The following DECR2 variants were observed in gnomAD, a reference collection of about 807,000 sequenced individuals.
DECR2 encodes the protein peroxisomal 2,4-dienoyl-CoA reductase [(3E)-enoyl-CoA-producing].
Under a neutral mutation model 29.2 loss-of-function variants are expected in DECR2, and 34 were observed. The ratio of observed to expected loss-of-function variants is 1.16; its 90% CI spans 0.89 to 1.55. The LOEUF (loss-of-function observed/expected upper bound fraction) is 1.55. Among genes scored for constraint, DECR2 ranks in the 40% most tolerant of loss-of-function variants. The pLI, the probability that DECR2 is intolerant of heterozygous loss-of-function variation, is 0.00. For missense variants in DECR2, 485 were observed against 425.3 expected, an observed-to-expected ratio of 1.14 and a Z score of -1.23; for synonymous variants, 224 against 182.7, an observed-to-expected ratio of 1.23 and a Z score of -1.82.
intron 1 of DECR2, among the ~76,000 whole-genome samples, chr16:403,567 G>T (rs1266422642): frequency 6.6e-6 from 1 of 152,182 alleles, no homozygotes; most frequent in Non-Finnish European, 1.5e-5. Flanking sequence ...TCTTGTTTAA[G>T]CCAGGGTATT....
chr16:407,352 C>T (rs563602780), intron 3 of DECR2, 73 bp from the exon 4 acceptor site: 3 of 1,524,794 alleles, frequency 2.0e-6, no homozygotes, highest in African/African-American at 1.4e-5. Flanking sequence ...GCATCGTCCT[C>T]TGCAGATTCC....
At chr16:404,911 G>A (rs998151347) in intron 1 of DECR2, 45 bp from the exon 2 acceptor site, 6 of 1,608,404 alleles carry the variant, frequency 3.7e-6, no homozygotes, top group Non-Finnish European at 5.1e-6. Context: ...CCACCGGCCC[G>A]GCCCAATAGG....
At chr16:411,111 T>C in intron 7 of DECR2, 35 bp downstream of exon 7, 2 of 1,467,522 alleles carry the variant, frequency 1.4e-6, no homozygotes, top group East Asian at 2.4e-5. Context: ...CTCCCACAGA[T>C]CCTCTCCTGG....
chr16:402,585 G>A (rs913803074), intron 1 of DECR2, among the ~76,000 whole-genome samples: 1 of 151,854 alleles, frequency 6.6e-6, no homozygotes, highest in South Asian at 2.1e-4. Context: ...CCGGGCAAAG[G>A]TCGATCCTCC....
intron 4 of DECR2, chr16:409,974 C>T (rs2054790975): frequency 3.9e-6 from 2 of 510,826 alleles, no homozygotes; most frequent in Admixed American, 3.3e-5. Context: ...TCGATTATCT[C>T]TGCAACCCAC....
chr16:407,940 CG>C (rs2054751767), intron 4 of DECR2, among the ~76,000 whole-genome samples: 1 of 66,660 alleles, frequency 1.5e-5, no homozygotes, highest in Non-Finnish European at 2.9e-5. Context: ...CCCCTGTCTC[CG>C]GGCCCCTGTC....
rs1430467241 is a variant in DECR2, at chr16:401,924, G to C, written c.-40G>C. On this transcript the variant is annotated 5_prime_UTR_variant, in exon 1 of 9. Coordinates refer to ENST00000219481, the MANE Select transcript of DECR2 (RefSeq NM_020664.4). The stretch of plus-strand genomic sequence containing the variant: ...GCGCCGGGTCCTGGAGGCCGAGGCC[G>C]CTCCCGCCCGTTGTCCCCGCAGTCC... 6.8e-7 allele frequency: 1 copy of C among 1,467,740 alleles called. No individual in the cohort carries two copies. The highest frequency in any genetic ancestry group is 1.5e-5 in the African/African-American group (1 of 68,086). 90.9% of individuals were successfully genotyped at this position (1,467,740 alleles called of 1,614,324 possible). A position where few individuals can be genotyped will look rare whatever the true frequency, so the allele number is the denominator to read the frequency against.
In DECR2 at chr16:410,625, C is replaced by G. The variant is rs1296269605; in HGVS notation, c.463-66C>G. 1 of 1,478,810 alleles carries G rather than the reference C, an allele frequency of 6.8e-7. No individual in the cohort carries two copies. Among genetic ancestry groups the G allele is most frequent in the Non-Finnish European group, 9.2e-7 (1 of 1,082,584 alleles). The allele number at this position is 1,478,810 out of a possible 1,614,324, so 91.6% of individuals were successfully genotyped here. A position where few individuals can be genotyped will look rare whatever the true frequency, so the allele number is the denominator to read the frequency against. On this transcript the variant is annotated intron_variant, in intron 5 of 8. Coordinates refer to ENST00000219481, the MANE Select transcript of DECR2 (RefSeq NM_020664.4). The surrounding 1 kb of genome is among the most constrained non-coding windows in gnomAD (Gnocchi z 4.1). ...CCCGGGCCTCCCCCTGACAGCCACCCGCTCACTGTCCTGTGACCTCCCCCG... is the reference window on the plus strand; with the variant it reads ...CCCGGGCCTCCCCCTGACAGCCACCGGCTCACTGTCCTGTGACCTCCCCCG...
intron 1 of DECR2, 58 bp from the exon 2 acceptor site, chr16:404,898 G>C (rs1342855571): frequency 1.3e-6 from 2 of 1,591,858 alleles, no homozygotes; most frequent in Admixed American, 1.7e-5. Flanking sequence ...AAAGTGCTGG[G>C]AGCCACCGGC....
Position 405,542 on chromosome 16 carries a change from G to C in DECR2, c.149+518G>C, listed in dbSNP as rs188849350. On this transcript the variant is annotated intron_variant, in intron 2 of 8. Coordinates refer to ENST00000219481, the MANE Select transcript of DECR2 (RefSeq NM_020664.4). ...TCTGAGGACCAGATGGGACATTGCA[G>C]CTCCAGTGGGACCTGCCTAGCAGGG... 5 of 1,304,746 alleles carry C rather than the reference G, an allele frequency of 3.8e-6. No individual in the cohort carries two copies. The African/African-American group carries it at 4.5e-5, about 12-fold the overall frequency. The allele number at this position is 1,304,746 out of a possible 1,614,324, so 80.8% of individuals were successfully genotyped here.
chr16:403,064 G>T, intron 1 of DECR2: 1 of 963,608 alleles, frequency 1.0e-6, no homozygotes, highest in Non-Finnish European at 1.2e-6. Flanking sequence ...AAAAAAAAAA[G>T]TTTTTTTTCG....
At chr16:403,482 G>A (rs550353331) in intron 1 of DECR2, among the ~76,000 whole-genome samples, 1 of 152,168 alleles carries the variant, frequency 6.6e-6, no homozygotes, top group East Asian at 1.9e-4. Flanking sequence ...TCCCGACGTA[G>A]CTTGCTGAAT....
intron 4 of DECR2, among the ~76,000 whole-genome samples, chr16:408,069 G>C (rs4021240): frequency 0.046 from 71 of 1,558 alleles, 21 homozygotes; most frequent in African/African-American, 0.096. Flanking sequence ...CTGTCTCCGG[G>C]CCCCTGTCTC....
At chr16:402,415 G>A (rs550324807) in intron 1 of DECR2, among the ~76,000 whole-genome samples, 3 of 152,000 alleles carry the variant, frequency 2.0e-5, no homozygotes, top group Admixed American at 6.5e-5. Flanking sequence ...ATTTACAGGC[G>A]TGAGCCACCG....
At chr16:409,518 T>C (rs556389370) in intron 4 of DECR2, 2 of 152,258 alleles carry the variant, frequency 1.3e-5, no homozygotes, top group African/African-American at 2.4e-5. Flanking sequence ...TAATTAATAG[T>C]ATATGGAATT....
chr16:405,077 C>T, intron 2 of DECR2, 53 bp downstream of exon 2: 1 of 1,602,756 alleles, frequency 6.2e-7, no homozygotes, highest in Non-Finnish European at 8.5e-7. Flanking sequence ...TGCCCGGGCC[C>T]TGCTGGATGC....
At position 404,964 on chromosome 16, in the gene DECR2, T is replaced by G; in HGVS notation, c.89T>G (p.Val30Gly). Reference protein sequence around the residue: ...LFCPDLLRDKVAFITGGGSGI... With the variant: ...LFCPDLLRDKGAFITGGGSGI... ...TCCTTTTTTATTCTCAGGGACAAAG[T>G]GGCCTTCATCACAGGAGGCGGCTCT... The change falls in exon 2 of 9, where the codon GTG becomes GGG. Residue 30 changes from valine to glycine, a missense_variant. By Grantham distance (109) the Val-to-Gly change is moderately radical (BLOSUM62 -3). Coordinates refer to ENST00000219481, the MANE Select transcript of DECR2 (RefSeq NM_020664.4). 1.2e-6 allele frequency: 2 copies of G among 1,614,074 alleles called. No individual in the cohort carries two copies. The highest frequency in any genetic ancestry group is 1.7e-6 in the Non-Finnish European group (2 of 1,179,982).
rs374112030 is a variant in DECR2, at chr16:405,777, G to T, written c.150-569G>T. On this transcript the variant is annotated intron_variant, in intron 2 of 8. Coordinates refer to ENST00000219481, the MANE Select transcript of DECR2 (RefSeq NM_020664.4). ...GGGCTTCTATACCACAGGGAAAGGG[G>T]TCCTGCTTCAGAGGGAGTGTGTAGG... The T allele has an allele frequency of 7.3e-5, 29 of 397,662 alleles. No individual in the cohort carries two copies. In the East Asian group the frequency reaches 1.9e-3, roughly 26 times the overall value. 24.6% of individuals were successfully genotyped at this position (397,662 alleles called of 1,614,324 possible).
chr16:407,438 T>A lies in DECR2; in HGVS notation c.215T>A (p.Leu72Gln). The A allele has an allele frequency of 1.2e-6, 2 of 1,609,146 alleles. No individual in the cohort carries two copies. The highest frequency in any genetic ancestry group is 8.5e-7 in the Non-Finnish European group (1 of 1,178,754). ...CCTGGCTTCTAGGCCGCCAGGAAGCTGGCTGGGGCCACCGGCCGGCGCTGC... is the reference window on the plus strand; with the variant it reads ...CCTGGCTTCTAGGCCGCCAGGAAGCAGGCTGGGGCCACCGGCCGGCGCTGC... Reference protein sequence around the residue: ...LPRVLTAARKLAGATGRRCLP... With the variant: ...LPRVLTAARKQAGATGRRCLP... The change falls in exon 4 of 9, where the codon CTG (leucine) becomes CAG (glutamine). Residue 72 changes from leucine (L) to glutamine (Q), a missense_variant. Coordinates refer to ENST00000219481, the MANE Select transcript of DECR2 (RefSeq NM_020664.4).
Sources: allele counts gnomAD v4.1 joint callset (sites outside exome capture counted in the v4.1 genomes callset), GRCh38; gene constraint gnomAD v4.1.1; non-coding constraint Gnocchi (gnomAD v3.1); transcripts MANE v1.5; gene names NCBI Gene and HGNC (gene_info 2026-07-23, HGNC 2026-07-21).